The following NSMCE2 variants were observed in gnomAD, a reference collection of about 807,000 sequenced individuals.
NSMCE2 encodes the protein E3 SUMO-protein ligase NSE2.
In NSMCE2, 24 loss-of-function variants were observed where a neutral mutation model predicts 23.8. The ratio of observed to expected loss-of-function variants is 1.01; its 90% CI spans 0.73 to 1.42. NSMCE2 has a LOEUF of 1.42. Among genes scored for constraint, NSMCE2 ranks in the 40% most tolerant of loss-of-function variants. NSMCE2 has a pLI of 0.00. For synonymous variants in NSMCE2, 92 were observed against 94.1 expected (o/e 0.98, Z 0.13); for missense variants, 284 against 296.5 (o/e 0.96, Z 0.31).
chr8:125,247,316 G>C (rs1311855465), intron 5 of NSMCE2, among the ~76,000 whole-genome samples: 1 of 152,008 alleles, frequency 6.6e-6, no homozygotes, highest in Non-Finnish European at 1.5e-5. Context: ...ATAGGTGACA[G>C]AGTGAGACAT....
chr8:125,115,740 AAT>A (rs1818975468), intron 3 of NSMCE2, among the ~76,000 whole-genome samples: 1 of 148,738 alleles, frequency 6.7e-6, no homozygotes, highest in Admixed American at 6.6e-5. Flanking sequence ...AAAAAAAAAT[AAT>A]AATAAATAAA....
At chr8:125,187,653 GA>G (rs950682638) in intron 5 of NSMCE2, among the ~76,000 whole-genome samples, 6 of 152,252 alleles carry the variant, frequency 3.9e-5, no homozygotes, top group Non-Finnish European at 7.4e-5. Context: ...AGGCCCTGTA[GA>G]TTTTAGTGTA....
chr8:125,223,291 G>C (rs1824950984), intron 5 of NSMCE2, among the ~76,000 whole-genome samples: 1 of 149,886 alleles, frequency 6.7e-6, no homozygotes, highest in Non-Finnish European at 1.5e-5. Flanking sequence ...CCCAGAAGCA[G>C]AGGTTGCTAT....
At chr8:125,233,110 A>G (rs1825397620) in intron 5 of NSMCE2, among the ~76,000 whole-genome samples, 1 of 152,194 alleles carries the variant, frequency 6.6e-6, no homozygotes, top group Non-Finnish European at 1.5e-5. Context: ...AAGCTTGCCC[A>G]GTTTTTGCAT....
intron 5 of NSMCE2, among the ~76,000 whole-genome samples, chr8:125,339,567 G>C (rs1188962322): frequency 1.3e-5 from 2 of 152,114 alleles, no homozygotes; most frequent in African/African-American, 4.8e-5. Flanking sequence ...CTATTCCCTA[G>C]TGTATCATAA....
chr8:125,324,826 G>A lies in NSMCE2; in HGVS notation c.419-32393G>A, dbSNP rs1399798524. Reference sequence around the variant, plus strand: ...CCTGACCTCGTGATCCGCCCGCCTCGGCCTCCCAAAGTGCTGGGATTACAG... The same window carrying A: ...CCTGACCTCGTGATCCGCCCGCCTCAGCCTCCCAAAGTGCTGGGATTACAG... On this transcript the variant is annotated intron_variant, in intron 5 of 7. Coordinates refer to ENST00000287437, the MANE Select transcript of NSMCE2 (RefSeq NM_173685.4). Among the ~76,000 whole-genome samples, 2 of 59,140 alleles carry A rather than the reference G, an allele frequency of 3.4e-5. 1 individual carries two copies. The highest frequency in any genetic ancestry group is 1.1e-4 in the Non-Finnish European group (2 of 18,144). The allele number at this position is 59,140 out of a possible 152,430, so 38.8% of individuals were successfully genotyped here.
At chr8:125,185,146 A>C (rs986455508) in intron 5 of NSMCE2, among the ~76,000 whole-genome samples, 3 of 152,206 alleles carry the variant, frequency 2.0e-5, no homozygotes, top group Non-Finnish European at 4.4e-5. Flanking sequence ...GGGAGAGGCC[A>C]AGATACAGCT....
chr8:125,136,573 T>C (rs918750408), intron 3 of NSMCE2, among the ~76,000 whole-genome samples: 3 of 152,274 alleles, frequency 2.0e-5, no homozygotes, highest in Middle Eastern at 3.4e-3. Context: ...GGTGTTATAA[T>C]TGATACCCTG....
At chr8:125,335,191 G>T (rs1208551880) in intron 5 of NSMCE2, among the ~76,000 whole-genome samples, 1 of 152,208 alleles carries the variant, frequency 6.6e-6, no homozygotes, top group Non-Finnish European at 1.5e-5. Flanking sequence ...CAAGGGAGGG[G>T]CTGTAATGAC....
At chr8:125,243,234 C>G (rs1448243944) in intron 5 of NSMCE2, among the ~76,000 whole-genome samples, 1 of 152,156 alleles carries the variant, frequency 6.6e-6, no homozygotes, top group East Asian at 1.9e-4. Flanking sequence ...GAGAGCATGT[C>G]AGATGAGTAT....
intron 5 of NSMCE2, among the ~76,000 whole-genome samples, chr8:125,217,559 G>C (rs1586626629): frequency 6.6e-6 from 1 of 152,038 alleles, no homozygotes; most frequent in East Asian, 1.9e-4. Flanking sequence ...ATAGAGACAG[G>C]GTTTCACTGT....
chr8:125,326,956 C>CA (rs879690048), intron 5 of NSMCE2, among the ~76,000 whole-genome samples: 2,572 of 106,776 alleles, frequency 0.024, 34 homozygotes, highest in Non-Finnish European at 0.033. Context: ...AACTCCATTT[C>CA]AAAAAAAAAA....
intron 5 of NSMCE2, among the ~76,000 whole-genome samples, chr8:125,324,455 GA>G (rs1346361489): frequency 1.4e-4 from 13 of 92,418 alleles, no homozygotes; most frequent in Non-Finnish European, 1.9e-4. Context: ...CATATCCACA[GA>G]ATACTACTCA....
intron 5 of NSMCE2, among the ~76,000 whole-genome samples, chr8:125,356,238 G>A (rs571116321): frequency 6.6e-6 from 1 of 151,886 alleles, no homozygotes; most frequent in African/African-American, 2.4e-5. Flanking sequence ...GTGTGTATGG[G>A]GGGGGGTGTT....
At chr8:125,107,663 A>G (rs1721269271) in intron 3 of NSMCE2, among the ~76,000 whole-genome samples, 1 of 152,186 alleles carries the variant, frequency 6.6e-6, no homozygotes, top group Non-Finnish European at 1.5e-5. Flanking sequence ...CAAACATTCA[A>G]CATTTGTACT....
intron 1 of NSMCE2, among the ~76,000 whole-genome samples, chr8:125,092,559 G>A (rs941714264): frequency 6.6e-6 from 1 of 152,216 alleles, no homozygotes; most frequent in Non-Finnish European, 1.5e-5. Flanking sequence ...GCATGTGATA[G>A]GGATAATGGT....
At chr8:125,213,555 C>T in intron 5 of NSMCE2, among the ~76,000 whole-genome samples, 1 of 136,014 alleles carries the variant, frequency 7.4e-6, no homozygotes, top group East Asian at 2.4e-4. Flanking sequence ...CACTCCCCTC[C>T]CCCTTTCCCC....
At chr8:125,203,653 C>T (rs1394217772) in intron 5 of NSMCE2, among the ~76,000 whole-genome samples, 1 of 152,110 alleles carries the variant, frequency 6.6e-6, no homozygotes, top group East Asian at 1.9e-4. Context: ...TAGGCCCCTA[C>T]TATATTCAGA....
chr8:125,138,253 A>G (rs753110612), intron 3 of NSMCE2, among the ~76,000 whole-genome samples: 17 of 152,212 alleles, frequency 1.1e-4, no homozygotes, highest in Admixed American at 5.9e-4. Flanking sequence ...AGACCTGGTC[A>G]ATCTCTGTCA....
Sources: gnomAD v4.1 joint callset for allele counts (sites outside exome capture counted in the v4.1 genomes callset) on GRCh38, gnomAD v4.1.1 for gene constraint, MANE v1.5 for transcripts, NCBI Gene and HGNC (gene_info 2026-07-23, HGNC 2026-07-21) for gene names.